Variants in TRIM71 observed in about 807,000 individuals in gnomAD.
TRIM71 encodes the protein tripartite motif containing 71, also known as E3 ubiquitin-protein ligase TRIM71.
A neutral mutation model predicts 61.2 loss-of-function variants in TRIM71; 9 were observed. The ratio of observed to expected loss-of-function variants is 0.15; its 90% CI spans 0.09 to 0.26. TRIM71 has a LOEUF of 0.26. Among genes scored for constraint, TRIM71 ranks in the 10% least tolerant of loss-of-function variants. The pLI, the probability that TRIM71 is intolerant of heterozygous loss-of-function variation, is 1.00. For synonymous variants in TRIM71, 645 were observed against 553.2 expected (o/e 1.17, Z -2.33); for missense variants, 998 against 1,238.7 (o/e 0.81, Z 2.92).
intron 1 of TRIM71, among the ~76,000 whole-genome samples, chr3:32,870,809 C>G (rs1237691114): frequency 6.6e-6 from 1 of 152,150 alleles, no homozygotes; most frequent in Non-Finnish European, 1.5e-5. Context: ...GAACTTACTA[C>G]TTGTTCTGTT....
At chr3:32,819,244 GGT>G (rs958685697) in intron 1 of TRIM71, among the ~76,000 whole-genome samples, 6 of 98,634 alleles carry the variant, frequency 6.1e-5, no homozygotes, top group African/African-American at 2.3e-4. Context: ...GGAGGAGATA[GGT>G]GTGTGTGTTT....
Position 32,847,177 on chromosome 3 carries a change from G to A in TRIM71, c.853-26641G>A, listed in dbSNP as rs993202714. The stretch of plus-strand genomic sequence containing the variant: ...GCAGCTTGGACTACAGGCTCTCGCC[G>A]CCAGGTCCAGCAATTTTTTTTTTTT... On this transcript the variant is annotated intron_variant, in intron 1 of 3. Transcript: ENST00000383763. 6.7e-5 allele frequency among the ~76,000 whole-genome samples: 10 copies of A among 148,382 alleles called. No individual in the cohort carries two copies. The South Asian group carries it at 1.1e-3, about 16-fold the overall frequency.
intron 2 of TRIM71, among the ~76,000 whole-genome samples, chr3:32,882,968 T>C (rs965810594): frequency 6.6e-6 from 1 of 152,238 alleles, no homozygotes; most frequent in Non-Finnish European, 1.5e-5. Context: ...TAACCACAGC[T>C]TTCTTTCCTT....
In TRIM71 at chr3:32,885,970, G is replaced by C; in HGVS notation, c.1057G>C (p.Val353Leu). 1.2e-6 allele frequency: 2 copies of C among 1,614,164 alleles called. No individual in the cohort carries two copies. The stretch of plus-strand genomic sequence containing the variant: ...GCAGGCCCAGACGGTGGCGGAACAG[G>C]TGGAGATGAAGGCGAAGGTTGTGCA... ...IEQAQTVAEQ[V>L]EMKAKVVQSE... is the part of the protein sequence containing the mutation. The change falls in exon 3 of 4, where the codon GTG becomes CTG. Residue 353 changes from valine (V) to leucine (L), a missense_variant. Val to Leu is a conservative substitution (Grantham distance 32). This residue lies in a region of TRIM71 where 291 missense variants were observed against 431.2 expected (regional missense o/e 0.67). Transcript: ENST00000383763.
intron 1 of TRIM71, among the ~76,000 whole-genome samples, chr3:32,865,524 G>A (rs908475521): frequency 1.3e-5 from 2 of 152,128 alleles, no homozygotes; most frequent in Admixed American, 6.5e-5. Flanking sequence ...AAAACTGGTC[G>A]AAGGCGTTTG....
At chr3:32,819,504 G>T (rs1340154302) in intron 1 of TRIM71, among the ~76,000 whole-genome samples, 1 of 152,204 alleles carries the variant, frequency 6.6e-6, no homozygotes, top group Non-Finnish European at 1.5e-5. Context: ...GGACAGCATG[G>T]CAGTCCTTGC....
chr3:32,857,149 G>A (rs1393226935), intron 1 of TRIM71, among the ~76,000 whole-genome samples: 1 of 152,198 alleles, frequency 6.6e-6, no homozygotes, highest in African/African-American at 2.4e-5. Context: ...CTCTTCAGGA[G>A]CTTTCCCTGG....
intron 3 of TRIM71, among the ~76,000 whole-genome samples, chr3:32,889,734 C>A (rs1697002667): frequency 6.6e-6 from 1 of 152,014 alleles, no homozygotes; most frequent in Non-Finnish European, 1.5e-5. Context: ...GGATTACAGG[C>A]ACCTGTTACC....
chr3:32,895,300 G>C lies in TRIM71; in HGVS notation c.*3489G>C, dbSNP rs1443662386. On this transcript the variant is annotated 3_prime_UTR_variant, in exon 4 of 4. Transcript: ENST00000383763. Reference sequence around the variant, plus strand: ...CTTATTTGGGAAACACATAACAAAGGGTACCATAAACCGAATCCAAATTAC... The same window carrying C: ...CTTATTTGGGAAACACATAACAAAGCGTACCATAAACCGAATCCAAATTAC... The C allele has an allele frequency of 6.6e-6, 1 of 152,088 alleles. No homozygotes were observed. The highest frequency in any genetic ancestry group is 1.5e-5 in the Non-Finnish European group (1 of 68,026). 9.4% of individuals were successfully genotyped at this position (152,088 alleles called of 1,614,324 possible). A position where few individuals can be genotyped will look rare whatever the true frequency, so the allele number is the denominator to read the frequency against.
intron 1 of TRIM71, among the ~76,000 whole-genome samples, chr3:32,821,980 G>A (rs933458759): frequency 6.6e-6 from 1 of 152,142 alleles, no homozygotes; most frequent in Admixed American, 6.5e-5. Flanking sequence ...TTCACAACTA[G>A]GGAGTTGTGA....
At chr3:32,872,072 G>A (rs1214612763) in intron 1 of TRIM71, among the ~76,000 whole-genome samples, 4 of 152,142 alleles carry the variant, frequency 2.6e-5, no homozygotes, top group African/African-American at 9.7e-5. Context: ...GCATGAACTC[G>A]GGAGGCAGAG....
Position 32,879,692 on chromosome 3 carries a change from G to A in TRIM71, c.1020+5707G>A, listed in dbSNP as rs144901377. 2.7e-5 allele frequency among the ~76,000 whole-genome samples: 4 copies of A among 148,688 alleles called. No individual in the cohort carries two copies. The East Asian group carries it at 7.9e-4, about 29-fold the overall frequency. On this transcript the variant is annotated intron_variant, in intron 2 of 3. Coordinates refer to ENST00000383763, the MANE Select transcript of TRIM71 (RefSeq NM_001039111.3). ...TTTCTTAAAAAAAAAAAAAAAACTG[G>A]CTGAGTACTGTAGCTCAAAACTGTA...
intron 1 of TRIM71, among the ~76,000 whole-genome samples, chr3:32,838,565 G>A (rs1425687423): frequency 6.7e-6 from 1 of 148,864 alleles, no homozygotes; most frequent in Non-Finnish European, 1.5e-5. Context: ...GGGGCATGCA[G>A]TGGAGAAGTG....
At chr3:32,838,540 T>A (rs62661560) in intron 1 of TRIM71, among the ~76,000 whole-genome samples, 563 of 127,280 alleles carry the variant, frequency 4.4e-3, no homozygotes, top group Non-Finnish European at 7.8e-3. Context: ...TTTTTTTTTT[T>A]AATCAAGCAT....
chr3:32,863,795 C>T (rs1696700648), intron 1 of TRIM71, among the ~76,000 whole-genome samples: 1 of 152,052 alleles, frequency 6.6e-6, no homozygotes, highest in South Asian at 2.1e-4. Flanking sequence ...AATTCTCCTG[C>T]CTCAGCTTCT....
In TRIM71 at chr3:32,893,514, G is replaced by T. The variant is rs1697048947; in HGVS notation, c.*1703G>T. ...AATACTGAAATAAGAACCAAATTCT[G>T]GAGGAGCCCTCCTCAGGGAAAAGAG... On this transcript the variant is annotated 3_prime_UTR_variant, in exon 4 of 4. Transcript: ENST00000383763. The T allele has an allele frequency of 6.6e-6, 1 of 152,186 alleles. No individual in the cohort carries two copies. Among genetic ancestry groups the T allele is most frequent in the South Asian group, 2.1e-4 (1 of 4,830 alleles). 9.4% of individuals were successfully genotyped at this position (152,186 alleles called of 1,614,324 possible). A position where few individuals can be genotyped will look rare whatever the true frequency, so the allele number is the denominator to read the frequency against.
At position 32,895,740 on chromosome 3, in the gene TRIM71, A is replaced by T. The variant is rs1697070437; in HGVS notation, c.*3929A>T. On this transcript the variant is annotated 3_prime_UTR_variant, in exon 4 of 4. Transcript: ENST00000383763. ...ACAGGGCCAGGGCCTCCAGAGCTCT[A>T]CGGCTTTCTCTGGTTTTCTATAGGG... The T allele has an allele frequency of 6.6e-6, 1 of 152,252 alleles. No individual in the cohort carries two copies. The highest frequency in any genetic ancestry group is 1.5e-5 in the Non-Finnish European group (1 of 68,092). 9.4% of individuals were successfully genotyped at this position (152,252 alleles called of 1,614,324 possible).
At chr3:32,887,814 T>TGCAG (rs1452100004) in intron 3 of TRIM71, among the ~76,000 whole-genome samples, 1 of 152,170 alleles carries the variant, frequency 6.6e-6, no homozygotes. Context: ...ACATGTATCC[T>TGCAG]GGTTCACTGA....
rs1697072696 is a variant in TRIM71 at position 32,895,877 on chromosome 3, G to GAA, written c.*4067_*4068dup. ...GTTAGCATCTGACAGGTCTCAAAAA[G>GAA]AATAGTATTAATCCAGTGGGCAGTG... On this transcript the variant is annotated 3_prime_UTR_variant, in exon 4 of 4. Coordinates refer to ENST00000383763, the MANE Select transcript of TRIM71 (RefSeq NM_001039111.3). The GAA allele has an allele frequency of 6.6e-6, 1 of 152,484 alleles. No individual in the cohort carries two copies. The highest frequency in any genetic ancestry group is 1.5e-5 in the Non-Finnish European group (1 of 68,040). 9.4% of individuals were successfully genotyped at this position (152,484 alleles called of 1,614,324 possible).
Sources: gnomAD v4.1 joint callset for allele counts (sites outside exome capture counted in the v4.1 genomes callset) on GRCh38, gnomAD v4.1.1 for gene constraint, gnomAD v4.1.1 regional missense constraint, MANE v1.5 for transcripts, NCBI Gene and HGNC (gene_info 2026-07-23, HGNC 2026-07-21) for gene names.